The following PLCD1 variants were observed in gnomAD, a reference collection of about 807,000 sequenced individuals.
PLCD1 encodes the protein 1-phosphatidylinositol 4,5-bisphosphate phosphodiesterase delta-1.
In PLCD1, 71 loss-of-function variants were observed where a neutral mutation model predicts 87.4. The observed-to-expected ratio is 0.81, with a 90% confidence interval of 0.67 to 0.99. The LOEUF is 0.99. PLCD1 is among the 50% of genes least tolerant of loss of function. The pLI, the probability that PLCD1 is intolerant of heterozygous loss-of-function variation, is 0.00. For synonymous variants in PLCD1, 348 were observed against 399.2 expected (o/e 0.87, Z 1.53); for missense variants, 867 against 1,001.5 (o/e 0.87, Z 1.81).
chr3:38,021,438 C>T (rs1700231913), intron 1 of PLCD1, among the ~76,000 whole-genome samples: 3 of 152,158 alleles, frequency 2.0e-5, no homozygotes, highest in Admixed American at 2.0e-4. Context: ...GAGGTGTGGG[C>T]TCCCAAAGAT....
At chr3:38,010,593 G>T (rs772407455) in intron 5 of PLCD1, 31 bp from the exon 6 acceptor site, 1 of 1,589,458 alleles carries the variant, frequency 6.3e-7, no homozygotes, top group Non-Finnish European at 8.6e-7. Flanking sequence ...GCCCGTCAGA[G>T]CCAGCCTCCA....
At position 38,008,084 on chromosome 3, in the gene PLCD1, T is replaced by C. The variant is rs1699994120; in HGVS notation, c.2115A>G (p.Glu705=). ...CATTCTTGGAGGAGGCATCATAATCTTCCACCAAGAAGCGGATGAGGGCAA... is the reference window on the plus strand; with the variant it reads ...CATTCTTGGAGGAGGCATCATAATCCTCCACCAAGAAGCGGATGAGGGCAA... ...PDLALIRFLV[E]DYDASSKNDF... is the part of the protein sequence containing the mutation. Residue 705 remains glutamate (E), a synonymous_variant, in exon 14 of 15, where the codon GAA becomes GAG. Coordinates refer to ENST00000334661, the MANE Select transcript of PLCD1 (RefSeq NM_006225.4). 2 of 1,614,152 alleles carry C rather than the reference T, an allele frequency of 1.2e-6. No homozygotes were observed. Among genetic ancestry groups the C allele is most frequent in the East Asian group, 4.5e-5 (2 of 44,874 alleles).
intron 1 of PLCD1, among the ~76,000 whole-genome samples, chr3:38,028,712 A>G (rs1700331948): frequency 6.6e-6 from 1 of 152,114 alleles, no homozygotes; most frequent in Non-Finnish European, 1.5e-5. Flanking sequence ...TGGAGCAAAG[A>G]GGCGCCCAAA....
Position 38,025,299 on chromosome 3 carries a change from T to C in PLCD1, c.34+4207A>G, listed in dbSNP as rs1700297091. Among the ~76,000 whole-genome samples the C allele has an allele frequency of 1.3e-5, 2 of 152,272 alleles. No homozygotes were observed. The highest frequency in any genetic ancestry group is 1.3e-4 in the Admixed American group (2 of 15,296). ...TGACCAAGGAGCCGGAGCGGCGAAT[T>C]CTAACGCCACCTTTGAGGCTGGCGC... On this transcript the variant is annotated intron_variant, in intron 1 of 14. Coordinates refer to ENST00000334661, the MANE Select transcript of PLCD1 (RefSeq NM_006225.4). This position sits in a 1 kb window ranked among gnomAD's most constrained non-coding sequence, Gnocchi z 4.0.
chr3:38,024,355 G>C, intron 1 of PLCD1: 1 of 1,612,964 alleles, frequency 6.2e-7, no homozygotes, highest in Non-Finnish European at 8.5e-7. Context: ...CGTCCATTGA[G>C]CGCCGCCACC....
chr3:38,023,535 A>C (rs1343393741), intron 1 of PLCD1, among the ~76,000 whole-genome samples: 1 of 152,196 alleles, frequency 6.6e-6, no homozygotes, highest in Non-Finnish European at 1.5e-5. Context: ...ACTGAGGCTC[A>C]AGGAAGTTGC....
chr3:38,010,066 G>A lies in PLCD1; in HGVS notation c.1138-13C>T. The A allele has an allele frequency of 2.5e-6, 4 of 1,614,184 alleles. No homozygotes were observed. The highest frequency in any genetic ancestry group is 3.4e-6 in the Non-Finnish European group (4 of 1,180,000). On this transcript the variant is annotated splice_polypyrimidine_tract_variant and intron_variant, in intron 7 of 14. Coordinates refer to ENST00000334661, the MANE Select transcript of PLCD1 (RefSeq NM_006225.4). ...GGTAGGGGGACGCCTGGAGGCCCAA[G>A]GGCACATTAGGAGTGGTGGGCCACC...
intron 2 of PLCD1, among the ~76,000 whole-genome samples, chr3:38,019,486 A>G (rs1303931077): frequency 2.6e-5 from 4 of 152,268 alleles, no homozygotes; most frequent in South Asian, 2.1e-4. Context: ...AAGTAAAGGC[A>G]TAGAGGGAGA....
Position 38,007,660 on chromosome 3 carries a change from AT to A in PLCD1, c.*112del. On this transcript the variant is annotated 3_prime_UTR_variant, in exon 15 of 15. Transcript: ENST00000334661. Reference sequence around the variant, plus strand: ...AGACACTATGTTAGGGCTGAAGGCAATTTGGGGGCCTAGCTCTGAGCAAGAG... The same window carrying A: ...AGACACTATGTTAGGGCTGAAGGCAATTGGGGGCCTAGCTCTGAGCAAGAG... 2 of 826,566 alleles carry A rather than the reference AT, an allele frequency of 2.4e-6. No homozygotes were observed. Among genetic ancestry groups the A allele is most frequent in the Non-Finnish European group, 4.1e-6 (2 of 484,178 alleles). The allele number at this position is 826,566 out of a possible 1,614,324, so 51.2% of individuals were successfully genotyped here.
intron 3 of PLCD1, 25 bp downstream of exon 3, chr3:38,016,465 TG>T: frequency 6.6e-7 from 1 of 1,518,852 alleles, no homozygotes. Flanking sequence ...AAGCCAGGCC[TG>T]GACCCACTGC....
Position 38,009,049 on chromosome 3 carries a change from GCAGCCCCCATTCCA to G in PLCD1, c.1702_1715del (p.Trp568ProfsTer44), listed in dbSNP as rs1700021305. ...GCCCCAGCCAGCCCATACCGATCTG[GCAGCCCCCATTCCA>G]CATCTCCACGGGGCTGTAGTTGGAG... is the stretch of plus-strand genomic sequence containing the variant. On this transcript the variant is annotated frameshift_variant, in exon 11 of 15. Transcript: ENST00000334661. LOFTEE classifies it high-confidence loss of function. 6.2e-7 allele frequency: 1 copy of G among 1,611,080 alleles called. No individual in the cohort carries two copies. Among genetic ancestry groups the G allele is most frequent in the Non-Finnish European group, 8.5e-7 (1 of 1,178,192 alleles).
intron 1 of PLCD1, among the ~76,000 whole-genome samples, chr3:38,026,632 GTGTGTGCC>G (rs1192616120): frequency 1.3e-5 from 2 of 150,998 alleles, no homozygotes; most frequent in East Asian, 3.9e-4. Flanking sequence ...GTGTGGATCA[GTGTGTGCC>G]TGTGTAGCAT....
rs1700339502 is a variant in PLCD1 at position 38,029,391 on chromosome 3, C to T, written c.34+115G>A. 5.5e-6 allele frequency: 5 copies of T among 913,820 alleles called. No homozygotes were observed. In the East Asian group the frequency reaches 1.1e-4, roughly 19 times the overall value. The allele number at this position is 913,820 out of a possible 1,614,324, so 56.6% of individuals were successfully genotyped here. A position where few individuals can be genotyped will look rare whatever the true frequency, so the allele number is the denominator to read the frequency against. On this transcript the variant is annotated intron_variant, in intron 1 of 14. Coordinates refer to ENST00000334661, the MANE Select transcript of PLCD1 (RefSeq NM_006225.4). ...CCGGAGAAGGGGCAGAGAGGCGGGC[C>T]CGGGGTGGTGTGGAGGCGGCCGAAG...
At chr3:38,024,796 C>T in intron 1 of PLCD1, 1 of 1,229,480 alleles carries the variant, frequency 8.1e-7, no homozygotes, top group Non-Finnish European at 1.1e-6. Flanking sequence ...AAAATCTGGG[C>T]TAAGGAGGGC....
rs1210777769 is a variant in PLCD1, at chr3:38,008,079, T to C, written c.2120A>G (p.Tyr707Cys). 1.2e-6 allele frequency: 2 copies of C among 1,614,014 alleles called. No homozygotes were observed. The highest frequency in any genetic ancestry group is 1.7e-6 in the Non-Finnish European group (2 of 1,180,004). ...GAAGTCATTCTTGGAGGAGGCATCA[T>C]AATCTTCCACCAAGAAGCGGATGAG... Reference protein sequence around the residue: ...LALIRFLVEDYDASSKNDFIG... With the variant: ...LALIRFLVEDCDASSKNDFIG... Residue 707 changes from tyrosine to cysteine, a missense_variant, in exon 14 of 15, where the codon TAT (tyrosine) becomes TGT (cysteine). Coordinates refer to ENST00000334661, the MANE Select transcript of PLCD1 (RefSeq NM_006225.4).
rs1700170958 is a variant in PLCD1 at position 38,017,159 on chromosome 3, C to A, written c.200-440G>T. ...GTGTGGGGCCCATGACAGAGAAGGG[C>A]CATGCACCCTTCTGACTGTATTGGA... is the stretch of plus-strand genomic sequence containing the variant. On this transcript the variant is annotated intron_variant, in intron 2 of 14. Transcript: ENST00000334661. The surrounding 1 kb of genome is among the most constrained non-coding windows in gnomAD (Gnocchi z 4.7). 6.6e-6 allele frequency among the ~76,000 whole-genome samples: 1 copy of A among 152,010 alleles called. No homozygotes were observed. The highest frequency in any genetic ancestry group is 1.5e-5 in the Non-Finnish European group (1 of 67,946).
intron 13 of PLCD1, 23 bp from the exon 14 acceptor site, chr3:38,008,186 A>G (rs1426630384): frequency 1.2e-6 from 2 of 1,613,590 alleles, no homozygotes; most frequent in East Asian, 2.2e-5. Context: ...GCACCATATC[A>G]GCAGCATGGA....
In PLCD1 at chr3:38,011,284, C is replaced by T. The variant is rs745834152; in HGVS notation, c.720G>A (p.Gln240=). 2 of 1,611,856 alleles carry T rather than the reference C, an allele frequency of 1.2e-6. No individual in the cohort carries two copies. The highest frequency in any genetic ancestry group is 1.7e-6 in the Non-Finnish European group (2 of 1,180,036). ...CAGGCCCTGCCGCCTCCTCCCGCTG[C>T]TGGTGCTGCAGGAACGTCACTAACT... ...VDQLVTFLQH[Q]QREEAAGPAL... is the part of the protein sequence containing the mutation. Residue 240 remains glutamine, a synonymous_variant, in exon 5 of 15, where the codon CAG becomes CAA. Coordinates refer to ENST00000334661, the MANE Select transcript of PLCD1 (RefSeq NM_006225.4).
At chr3:38,012,025 CCTT>C (rs1344197546) in intron 3 of PLCD1, among the ~76,000 whole-genome samples, 1 of 141,444 alleles carries the variant, frequency 7.1e-6, no homozygotes, top group Non-Finnish European at 1.5e-5. Context: ...TTCTGGTTTT[CCTT>C]TTCTTTTTTT....
Sources: gnomAD v4.1 joint callset for allele counts (sites outside exome capture counted in the v4.1 genomes callset) on GRCh38, gnomAD v4.1.1 for gene constraint, Gnocchi (gnomAD v3.1) non-coding constraint, MANE v1.5 for transcripts, NCBI Gene and HGNC (gene_info 2026-07-23, HGNC 2026-07-21) for gene names.